GALNTL6: variants seen among roughly 807,000 people sequenced by gnomAD.
GALNTL6 encodes polypeptide N-acetylgalactosaminyltransferase-like 6.
Under a neutral mutation model 73.7 loss-of-function variants are expected in GALNTL6, and 46 were observed. The observed-to-expected ratio is 0.62, with a 90% confidence interval of 0.49 to 0.80. The LOEUF is 0.80. GALNTL6 is among the 30% of genes least tolerant of loss of function. The pLI, the probability that GALNTL6 is intolerant of heterozygous loss-of-function variation, is 0.00. For synonymous variants in GALNTL6, 259 were observed against 263.7 expected (o/e 0.98, Z 0.17); for missense variants, 604 against 755.0 (o/e 0.80, Z 2.34).
At chr4:172,121,193 T>C (rs754493376) in intron 2 of GALNTL6, among the ~76,000 whole-genome samples, 5 of 151,660 alleles carry the variant, frequency 3.3e-5, no homozygotes, top group Admixed American at 6.6e-5. Flanking sequence ...CAAAGATTAA[T>C]AACAAGGGTG....
At chr4:173,036,511 T>C (rs1020699484) in intron 12 of GALNTL6, among the ~76,000 whole-genome samples, 1 of 152,174 alleles carries the variant, frequency 6.6e-6, no homozygotes, top group African/African-American at 2.4e-5. Context: ...TCGACTGGCA[T>C]TGAGCATTGA....
At chr4:172,176,562 G>A (rs1303103883) in intron 2 of GALNTL6, among the ~76,000 whole-genome samples, 2 of 152,056 alleles carry the variant, frequency 1.3e-5, no homozygotes, top group East Asian at 3.9e-4. Context: ...GGCCAAGGCA[G>A]GAGAATTGCT....
intron 3 of GALNTL6, among the ~76,000 whole-genome samples, chr4:172,295,943 T>C (rs1359395492): frequency 1.3e-5 from 2 of 152,126 alleles, no homozygotes; most frequent in African/African-American, 4.8e-5. Flanking sequence ...TATACATATA[T>C]ATAGCTTTTA....
At chr4:172,544,450 C>G (rs966262494) in intron 5 of GALNTL6, among the ~76,000 whole-genome samples, 2 of 152,170 alleles carry the variant, frequency 1.3e-5, no homozygotes, top group African/African-American at 4.8e-5. Flanking sequence ...TGCTACAGTC[C>G]TCATCCAAAC....
rs1561052112 is a variant in GALNTL6 at position 172,952,018 on chromosome 4, T to C, written c.1150-19T>C. 2 of 1,402,968 alleles carry C rather than the reference T, an allele frequency of 1.4e-6. No individual in the cohort carries two copies. Among genetic ancestry groups the C allele is most frequent in the Non-Finnish European group, 1.9e-6 (2 of 1,072,260 alleles). The allele number at this position is 1,402,968 out of a possible 1,614,324, so 86.9% of individuals were successfully genotyped here. ...ATGAATAAACCAATAAATGACATTT[T>C]TGTTTTCCTGCTGCACAGAACCTGA... On this transcript the variant is annotated intron_variant, in intron 9 of 12. Transcript: ENST00000506823.
intron 2 of GALNTL6, among the ~76,000 whole-genome samples, chr4:171,917,401 G>T (rs1249807467): frequency 6.6e-6 from 1 of 152,072 alleles, no homozygotes; most frequent in Non-Finnish European, 1.5e-5. Flanking sequence ...TCCATAAGAA[G>T]CCTTTGAATA....
At chr4:172,191,946 A>G (rs1005747451) in intron 2 of GALNTL6, among the ~76,000 whole-genome samples, 2 of 152,136 alleles carry the variant, frequency 1.3e-5, no homozygotes, top group Non-Finnish European at 2.9e-5. Flanking sequence ...TGCATGAAAT[A>G]TTTACATGCA....
At chr4:172,156,080 G>A (rs1277897560) in intron 2 of GALNTL6, among the ~76,000 whole-genome samples, 1 of 151,400 alleles carries the variant, frequency 6.6e-6, no homozygotes, top group Non-Finnish European at 1.5e-5. Flanking sequence ...GCGCCTGGGT[G>A]CAGATGGGCT....
chr4:172,664,572 C>A (rs142864409), intron 5 of GALNTL6, among the ~76,000 whole-genome samples: 2 of 152,158 alleles, frequency 1.3e-5, no homozygotes, highest in Non-Finnish European at 2.9e-5. Flanking sequence ...TTAGGCACCA[C>A]GCCTTTACTA....
At chr4:172,895,056 C>T (rs576036963) in intron 8 of GALNTL6, among the ~76,000 whole-genome samples, 3 of 150,678 alleles carry the variant, frequency 2.0e-5, no homozygotes, top group Admixed American at 1.3e-4. Context: ...TTTTTTTCAT[C>T]CCATCACCTT....
chr4:172,352,067 C>T (rs1741961436), intron 5 of GALNTL6, among the ~76,000 whole-genome samples: 1 of 152,088 alleles, frequency 6.6e-6, no homozygotes, highest in African/African-American at 2.4e-5. Context: ...TGCATATTTA[C>T]AACAAATATA....
chr4:171,878,677 C>T (rs1285630205), intron 2 of GALNTL6, among the ~76,000 whole-genome samples: 14 of 151,968 alleles, frequency 9.2e-5, no homozygotes, highest in Non-Finnish European at 1.5e-5. Flanking sequence ...GACTTGGATA[C>T]ATAAAGAAAT....
intron 3 of GALNTL6, among the ~76,000 whole-genome samples, chr4:172,261,872 A>G (rs1738270214): frequency 6.6e-6 from 1 of 151,396 alleles, no homozygotes; most frequent in Admixed American, 6.6e-5. Context: ...ATCATTCGAG[A>G]GCAGATTATT....
At chr4:172,014,942 A>T (rs539745368) in intron 2 of GALNTL6, among the ~76,000 whole-genome samples, 1 of 152,128 alleles carries the variant, frequency 6.6e-6, no homozygotes, top group African/African-American at 2.4e-5. Context: ...CTTTTGCAGA[A>T]ATTTATTGAG....
intron 5 of GALNTL6, among the ~76,000 whole-genome samples, chr4:172,709,043 T>C (rs1428587534): frequency 1.3e-5 from 2 of 152,222 alleles, no homozygotes; most frequent in Non-Finnish European, 2.9e-5. Flanking sequence ...GCTTCTATTA[T>C]TTATGTCCCT....
At chr4:172,531,109 T>G (rs1322658138) in intron 5 of GALNTL6, among the ~76,000 whole-genome samples, 1 of 152,146 alleles carries the variant, frequency 6.6e-6, no homozygotes, top group Non-Finnish European at 1.5e-5. Flanking sequence ...AGCCCAGAAA[T>G]GGCAGAAGAC....
chr4:172,737,918 G>T (rs778507435), intron 5 of GALNTL6, among the ~76,000 whole-genome samples: 1 of 152,112 alleles, frequency 6.6e-6, no homozygotes, highest in Non-Finnish European at 1.5e-5. Flanking sequence ...TGGCATCATG[G>T]GAAGCTTGGC....
chr4:171,841,353 A>T (rs1353671270), intron 2 of GALNTL6, among the ~76,000 whole-genome samples: 9 of 152,174 alleles, frequency 5.9e-5, no homozygotes, highest in African/African-American at 2.4e-5. Context: ...ATATTGAACA[A>T]CTAATATTTA....
At chr4:172,372,690 C>A (rs1742861899) in intron 5 of GALNTL6, among the ~76,000 whole-genome samples, 1 of 152,088 alleles carries the variant, frequency 6.6e-6, no homozygotes, top group Non-Finnish European at 1.5e-5. Flanking sequence ...GAACTAGGGC[C>A]TGCTTTAAGG....
Sources: allele counts gnomAD v4.1 joint callset (sites outside exome capture counted in the v4.1 genomes callset), GRCh38; gene constraint gnomAD v4.1.1; transcripts MANE v1.5; gene names NCBI Gene and HGNC (gene_info 2026-07-23, HGNC 2026-07-21).